FIBCD1: variants seen among roughly 807,000 people sequenced by gnomAD.
FIBCD1 encodes the protein fibrinogen C domain containing 1.
FIBCD1 carries 47 observed loss-of-function variants against 45.1 expected under a neutral mutation model. The ratio of observed to expected loss-of-function variants is 1.04; its 90% CI spans 0.82 to 1.33. FIBCD1 has a LOEUF of 1.33. Among genes scored for constraint, FIBCD1 ranks in the 40% most tolerant of loss-of-function variants. The pLI is 0.00. For synonymous variants in FIBCD1, 313 were observed against 308.1 expected (o/e 1.02, Z -0.17); for missense variants, 653 against 682.2 (o/e 0.96, Z 0.48).
Position 130,926,394 on chromosome 9 carries a change from G to A in FIBCD1, c.553-1998C>T, listed in dbSNP as rs939839283. 6.6e-6 allele frequency among the ~76,000 whole-genome samples: 1 copy of A among 152,254 alleles called. No individual in the cohort carries two copies. Among genetic ancestry groups the A allele is most frequent in the Admixed American group, 6.5e-5 (1 of 15,286 alleles). On this transcript the variant is annotated intron_variant, in intron 2 of 6. Transcript: ENST00000372338. The surrounding 1 kb of genome is among the most constrained non-coding windows in gnomAD (Gnocchi z 4.1). ...AGTCCCTGCTTGCCGAGCTGCAGAG[G>A]CGCATCAGGGGAGGGCTGGACAGCG...
intron 4 of FIBCD1, among the ~76,000 whole-genome samples, chr9:130,921,452 C>G (rs1453153782): frequency 6.6e-6 from 1 of 152,238 alleles, no homozygotes; most frequent in Non-Finnish European, 1.5e-5. Flanking sequence ...ACTGGCCAGG[C>G]AAGCACTTCT....
Position 130,905,403 on chromosome 9 carries a change from C to T in FIBCD1, c.957G>A (p.Arg319=), listed in dbSNP as rs267602143. The change falls in exon 6 of 7, where the codon AGG becomes AGA. Residue 319 remains arginine, a synonymous_variant. Coordinates refer to ENST00000372338, the MANE Select transcript of FIBCD1 (RefSeq NM_032843.5). ...LTGEHWLGLK[R]IHALTTQAAY... ...CAGCCTGTGTGGTCAGGGCGTGGATCCTCTTGAGCCCTGAAGTTGGGGGGA... is the reference window on the plus strand; with the variant it reads ...CAGCCTGTGTGGTCAGGGCGTGGATTCTCTTGAGCCCTGAAGTTGGGGGGA... 6.2e-7 allele frequency: 1 copy of T among 1,609,414 alleles called. No individual in the cohort carries two copies. Among genetic ancestry groups the T allele is most frequent in the Non-Finnish European group, 8.5e-7 (1 of 1,177,588 alleles).
At chr9:130,917,123 C>T (rs549090721) in intron 4 of FIBCD1, among the ~76,000 whole-genome samples, 7 of 147,374 alleles carry the variant, frequency 4.7e-5, no homozygotes, top group South Asian at 2.2e-4. Flanking sequence ...AAAATGGAGG[C>T]GGGGAGCAAA....
chr9:130,924,506 C>T, intron 2 of FIBCD1, 110 bp from the exon 3 acceptor site: 1 of 1,123,084 alleles, frequency 8.9e-7, no homozygotes, highest in South Asian at 1.6e-5. Context: ...CAGAGGTGGG[C>T]TTCTGGCTCA....
intron 4 of FIBCD1, among the ~76,000 whole-genome samples, chr9:130,914,001 C>T (rs1832111866): frequency 6.6e-6 from 1 of 152,124 alleles, no homozygotes; most frequent in South Asian, 2.1e-4. Flanking sequence ...TGGCAAGTCC[C>T]CACACCTCTC....
chr9:130,920,537 G>C (rs1232220281), intron 4 of FIBCD1, among the ~76,000 whole-genome samples: 1 of 152,144 alleles, frequency 6.6e-6, no homozygotes. Context: ...GAGTGCCGAG[G>C]GTGTGCAGGT....
chr9:130,931,380 T>C (rs1416961964), intron 1 of FIBCD1, among the ~76,000 whole-genome samples: 1 of 152,120 alleles, frequency 6.6e-6, no homozygotes, highest in African/African-American at 2.4e-5. Context: ...TGGTGGCACA[T>C]GCCTGTAAAT....
chr9:130,937,858 C>A (rs915152190), intron 1 of FIBCD1, among the ~76,000 whole-genome samples: 6 of 152,210 alleles, frequency 3.9e-5, no homozygotes, highest in Admixed American at 2.6e-4. Flanking sequence ...CTCCACTGCC[C>A]CTGAAGAGGC....
At chr9:130,907,588 C>G (rs996550996) in intron 5 of FIBCD1, among the ~76,000 whole-genome samples, 2 of 152,188 alleles carry the variant, frequency 1.3e-5, no homozygotes, top group African/African-American at 4.8e-5. Flanking sequence ...AGCTGTCAAC[C>G]TAAAACAACA....
chr9:130,904,043 C>T lies in FIBCD1; in HGVS notation c.*21G>A. On this transcript the variant is annotated 3_prime_UTR_variant, in exon 7 of 7. Coordinates refer to ENST00000372338, the MANE Select transcript of FIBCD1 (RefSeq NM_032843.5). ...GATGGGGCGACAGGGACCAGCAGGG[C>T]CAAGGACAAGGTGCACCAGTCTAGC... 1 of 1,610,492 alleles carries T rather than the reference C, an allele frequency of 6.2e-7. No homozygotes were observed. Among genetic ancestry groups the T allele is most frequent in the Non-Finnish European group, 8.5e-7 (1 of 1,179,046 alleles).
At chr9:130,923,945 A>G in intron 3 of FIBCD1, 65 bp from the exon 4 acceptor site, 4 of 1,605,124 alleles carry the variant, frequency 2.5e-6, no homozygotes, top group Non-Finnish European at 3.4e-6. Context: ...CCCCCTGGCC[A>G]AACTGTCTGT....
At chr9:130,906,711 C>G (rs1040133399) in intron 5 of FIBCD1, among the ~76,000 whole-genome samples, 1 of 152,238 alleles carries the variant, frequency 6.6e-6, no homozygotes, top group African/African-American at 2.4e-5. Flanking sequence ...CACAAAAGGG[C>G]AGGTGGGAGG....
At chr9:130,937,676 C>T (rs1156611411) in intron 1 of FIBCD1, among the ~76,000 whole-genome samples, 8 of 152,164 alleles carry the variant, frequency 5.3e-5, no homozygotes, top group East Asian at 1.9e-4. Context: ...GGTGAGCGAG[C>T]GGCCTCCTCG....
At chr9:130,920,528 A>G (rs1332951793) in intron 4 of FIBCD1, among the ~76,000 whole-genome samples, 1 of 152,138 alleles carries the variant, frequency 6.6e-6, no homozygotes, top group Non-Finnish European at 1.5e-5. Context: ...GCATTTAGAG[A>G]GTGCCGAGGG....
chr9:130,926,679 G>A lies in FIBCD1; in HGVS notation c.553-2283C>T, dbSNP rs190380035. Among the ~76,000 whole-genome samples, 44 of 152,036 alleles carry A rather than the reference G, an allele frequency of 2.9e-4. No individual in the cohort carries two copies. Among genetic ancestry groups the A allele is most frequent in the Non-Finnish European group, 1.6e-4 (11 of 67,962 alleles). Reference sequence around the variant, plus strand: ...TACTAAAAATACAAAAAAATTAGCCGGGCGTGGTGGCGGGCGCCTGTAGTC... The same window carrying A: ...TACTAAAAATACAAAAAAATTAGCCAGGCGTGGTGGCGGGCGCCTGTAGTC... On this transcript the variant is annotated intron_variant, in intron 2 of 6. Coordinates refer to ENST00000372338, the MANE Select transcript of FIBCD1 (RefSeq NM_032843.5). The surrounding 1 kb of genome is among the most constrained non-coding windows in gnomAD (Gnocchi z 4.1).
intron 2 of FIBCD1, among the ~76,000 whole-genome samples, 170 bp downstream of exon 2, chr9:130,929,397 G>A: frequency 6.6e-6 from 1 of 152,308 alleles, no homozygotes; most frequent in Admixed American, 6.5e-5. Context: ...ATGAGTGACT[G>A]CGCCTCCCTG....
chr9:130,910,716 T>C (rs1832022277), intron 5 of FIBCD1, among the ~76,000 whole-genome samples: 2 of 151,946 alleles, frequency 1.3e-5, no homozygotes, highest in African/African-American at 4.8e-5. Context: ...TCAGGGTTTG[T>C]GAGTGCACCA....
At chr9:130,928,385 G>A (rs1832390761) in intron 2 of FIBCD1, among the ~76,000 whole-genome samples, 1 of 152,124 alleles carries the variant, frequency 6.6e-6, no homozygotes, top group South Asian at 2.1e-4. Context: ...AGTGAGGTGG[G>A]GGTCCCAGGT....
intron 5 of FIBCD1, 125 bp downstream of exon 5, chr9:130,911,667 G>T: frequency 2.7e-6 from 2 of 747,718 alleles, no homozygotes; most frequent in Non-Finnish European, 4.6e-6. Context: ...CTGTGAGCTG[G>T]CTCAGGTGTG....
Sources: gnomAD v4.1 joint callset for allele counts (sites outside exome capture counted in the v4.1 genomes callset) on GRCh38, gnomAD v4.1.1 for gene constraint, Gnocchi (gnomAD v3.1) non-coding constraint, MANE v1.5 for transcripts, NCBI Gene and HGNC (gene_info 2026-07-23, HGNC 2026-07-21) for gene names.